SREK1: variants seen among roughly 807,000 people sequenced by gnomAD.
SREK1 encodes splicing regulatory glutamic acid and lysine rich protein 1.
A neutral mutation model predicts 66.5 loss-of-function variants in SREK1; 13 were observed. That is an observed-to-expected ratio of 0.20 (90% confidence interval 0.13 to 0.31). The LOEUF (loss-of-function observed/expected upper bound fraction) is 0.31. SREK1 is among the 10% of genes least tolerant of loss of function. The pLI is 1.00. For synonymous variants in SREK1, 265 were observed against 263.5 expected (o/e 1.01, Z -0.05); for missense variants, 607 against 769.6 (o/e 0.79, Z 2.50).
rs77424204 is a variant in SREK1 at position 66,153,684 on chromosome 5, G to A, written c.295+88G>A. 238 of 1,531,892 alleles carry A rather than the reference G, an allele frequency of 1.6e-4. No homozygotes were observed. In the East Asian group the frequency reaches 4.0e-3, roughly 26 times the overall value. 94.9% of individuals were successfully genotyped at this position (1,531,892 alleles called of 1,614,324 possible). A position where few individuals can be genotyped will look rare whatever the true frequency, so the allele number is the denominator to read the frequency against. On this transcript the variant is annotated intron_variant, in intron 2 of 11. Coordinates refer to ENST00000334121, the MANE Select transcript of SREK1 (RefSeq NM_001077199.3). Reference sequence around the variant, plus strand: ...TTTCCTAGAGATTGGCAAGTAGACAGTACTCTTGGTGTGTGTGTGAAAGTA... The same window carrying A: ...TTTCCTAGAGATTGGCAAGTAGACAATACTCTTGGTGTGTGTGTGAAAGTA...
intron 2 of SREK1, among the ~76,000 whole-genome samples, chr5:66,154,160 G>A (rs1336258988): frequency 6.6e-6 from 1 of 152,176 alleles, no homozygotes; most frequent in Non-Finnish European, 1.5e-5. Context: ...GGGGCAGGAG[G>A]AGTGTTGGAA....
chr5:66,156,182 A>C (rs1035148216), intron 2 of SREK1: 5 of 1,327,774 alleles, frequency 3.8e-6, no homozygotes, highest in Non-Finnish European at 4.8e-6. Context: ...CGGAGTCTGA[A>C]CCGCAGAAGA....
intron 7 of SREK1, chr5:66,169,419 G>A (rs747845741): frequency 2.0e-5 from 3 of 152,150 alleles, no homozygotes; most frequent in African/African-American, 4.8e-5. Context: ...CCAGTTTTAT[G>A]CGTGTGTATA....
chr5:66,174,711 C>T (rs868644646), intron 9 of SREK1: 6 of 327,580 alleles, frequency 1.8e-5, no homozygotes, highest in Middle Eastern at 8.0e-4. Context: ...GTCTTCTACT[C>T]TTCCTAATAT....
intron 1 of SREK1, among the ~76,000 whole-genome samples, chr5:66,152,109 C>T (rs1309555924): frequency 2.6e-5 from 4 of 152,124 alleles, no homozygotes; most frequent in South Asian, 2.1e-4. Flanking sequence ...GCCTTGGCCT[C>T]CCAGAGTGCT....
rs371499985 is a variant in SREK1 at position 66,156,635 on chromosome 5, C to T, written c.296-2584C>T. On this transcript the variant is annotated intron_variant, in intron 2 of 11. Transcript: ENST00000334121. The stretch of plus-strand genomic sequence containing the variant: ...AAAACTGATAGCTTCTAATTTTTGT[C>T]CTTCCCCCTGGAATTTTAGGCATAC... 7.1e-5 allele frequency: 70 copies of T among 985,260 alleles called. No individual in the cohort carries two copies. The African/African-American group carries it at 1.2e-3, about 16-fold the overall frequency. 61.0% of individuals were successfully genotyped at this position (985,260 alleles called of 1,614,324 possible).
At chr5:66,147,044 C>T (rs1216197788) in intron 1 of SREK1, among the ~76,000 whole-genome samples, 1 of 151,986 alleles carries the variant, frequency 6.6e-6, no homozygotes, top group Non-Finnish European at 1.5e-5. Context: ...CATATTGAGA[C>T]CCCTATCTCT....
At chr5:66,151,163 A>G (rs546074191) in intron 1 of SREK1, among the ~76,000 whole-genome samples, 2 of 152,172 alleles carry the variant, frequency 1.3e-5, no homozygotes, top group Non-Finnish European at 2.9e-5. Flanking sequence ...TTTAGACTAA[A>G]TTCGTGGGGG....
At chr5:66,158,926 A>G (rs1277741451) in intron 2 of SREK1, 2 of 1,308,060 alleles carry the variant, frequency 1.5e-6, no homozygotes, top group Non-Finnish European at 2.0e-6. Flanking sequence ...TTAAGTTTCC[A>G]GTACAGGTGA....
chr5:66,164,430 G>T, intron 6 of SREK1: 1 of 509,894 alleles, frequency 2.0e-6, no homozygotes, highest in South Asian at 2.0e-5. Flanking sequence ...TTACATTTGA[G>T]CAGATTTTCT....
At chr5:66,167,650 T>C (rs1478282685) in intron 7 of SREK1, 1 of 152,162 alleles carries the variant, frequency 6.6e-6, no homozygotes, top group East Asian at 1.9e-4. Flanking sequence ...TAATAATTAC[T>C]CTTAGTCACT....
intron 1 of SREK1, among the ~76,000 whole-genome samples, chr5:66,150,764 A>T (rs193106358): frequency 6.6e-6 from 1 of 152,350 alleles, no homozygotes; most frequent in East Asian, 1.9e-4. Flanking sequence ...TTGGATGAGG[A>T]CAGAAAGGTC....
chr5:66,162,618 T>A, intron 5 of SREK1, 26 bp downstream of exon 5: 1 of 1,553,022 alleles, frequency 6.4e-7, no homozygotes. Context: ...CAAAGAAATT[T>A]TAATGATTTT....
chr5:66,170,042 T>C lies in SREK1; in HGVS notation c.1002-9T>C. On this transcript the variant is annotated splice_polypyrimidine_tract_variant and intron_variant, in intron 7 of 11. Transcript: ENST00000334121. ...AAGTTTTGATATTCTAACAATTTTT[T>C]TTCTTTAGGAGTAGATCCCATAATA... 6.6e-7 allele frequency: 1 copy of C among 1,521,040 alleles called. No homozygotes were observed. Among genetic ancestry groups the C allele is most frequent in the Non-Finnish European group, 8.8e-7 (1 of 1,135,486 alleles). 94.2% of individuals were successfully genotyped at this position (1,521,040 alleles called of 1,614,324 possible).
At chr5:66,148,278 C>G (rs1743442662) in intron 1 of SREK1, among the ~76,000 whole-genome samples, 1 of 151,916 alleles carries the variant, frequency 6.6e-6, no homozygotes, top group East Asian at 1.9e-4. Flanking sequence ...TTTGGCATAT[C>G]TTTTTTGGTA....
intron 1 of SREK1, among the ~76,000 whole-genome samples, chr5:66,152,285 C>T (rs1439507028): frequency 6.6e-6 from 1 of 151,982 alleles, no homozygotes; most frequent in Non-Finnish European, 1.5e-5. Flanking sequence ...TAAATTTAAC[C>T]GTTATTAATG....
At position 66,164,856 on chromosome 5, in the gene SREK1, A is replaced by G; in HGVS notation, c.960A>G (p.Ser320=). The change falls in exon 7 of 12, where the codon TCA becomes TCG. Residue 320 remains serine (S), a synonymous_variant. Coordinates refer to ENST00000334121, the MANE Select transcript of SREK1 (RefSeq NM_001077199.3). ...SHTRSKSRSS[S]KSHSRRKRSQ... ...CTCGCTCAAAATCCAGGTCTAGCTCAAAATCCCATTCTAGAAGGAAAAGAT... is the reference window on the plus strand; with the variant it reads ...CTCGCTCAAAATCCAGGTCTAGCTCGAAATCCCATTCTAGAAGGAAAAGAT... 1 of 1,614,014 alleles carries G rather than the reference A, an allele frequency of 6.2e-7. No homozygotes were observed.
In SREK1 at chr5:66,156,231, T is replaced by A. The variant is rs990867347; in HGVS notation, c.295+2635T>A. 22 of 1,296,766 alleles carry A rather than the reference T, an allele frequency of 1.7e-5. No individual in the cohort carries two copies. The Admixed American group carries it at 6.9e-4, about 40-fold the overall frequency. 80.3% of individuals were successfully genotyped at this position (1,296,766 alleles called of 1,614,324 possible). On this transcript the variant is annotated intron_variant, in intron 2 of 11. Transcript: ENST00000334121. Reference sequence around the variant, plus strand: ...TCTGTTTTTTATTGTTTTACTTTAATTTCATTTCTTTTTCTTTATTTTGTC... The same window carrying A: ...TCTGTTTTTTATTGTTTTACTTTAAATTCATTTCTTTTTCTTTATTTTGTC...
chr5:66,177,568 AAGAG>A lies in SREK1; in HGVS notation c.1643_1646del (p.Arg548AsnfsTer6). ...AAGAAAGGGACCACATCAGTGAAAG[AAGAG>A]AGAGAGAACGTTCAACGTCTATGAG... is the stretch of plus-strand genomic sequence containing the variant. On this transcript the variant is annotated frameshift_variant, in exon 11 of 12. Transcript: ENST00000334121. LOFTEE classifies it high-confidence loss of function. 1.9e-6 allele frequency: 3 copies of A among 1,610,498 alleles called. No homozygotes were observed. The highest frequency in any genetic ancestry group is 2.5e-6 in the Non-Finnish European group (3 of 1,177,842).
Sources: gnomAD v4.1 joint callset for allele counts (sites outside exome capture counted in the v4.1 genomes callset) on GRCh38, gnomAD v4.1.1 for gene constraint, MANE v1.5 for transcripts, NCBI Gene and HGNC (gene_info 2026-07-23, HGNC 2026-07-21) for gene names.